The following CATSPERD variants were observed in gnomAD, a reference collection of about 807,000 sequenced individuals.
The protein encoded by CATSPERD is cation channel sperm-associated auxiliary subunit delta.
Under a neutral mutation model 98.1 loss-of-function variants are expected in CATSPERD, and 86 were observed. That is an observed-to-expected ratio of 0.88 (90% CI 0.74 to 1.05). The LOEUF is 1.05. CATSPERD is among the 50% of genes least tolerant of loss of function. CATSPERD has a pLI of 0.00. For synonymous variants in CATSPERD, 394 were observed against 390.2 expected, an observed-to-expected ratio of 1.01 and a Z score of -0.12; for missense variants, 995 against 1,005.7, an observed-to-expected ratio of 0.99 and a Z score of 0.14.
intron 15 of CATSPERD, among the ~76,000 whole-genome samples, chr19:5,761,316 G>A (rs1223505655): frequency 6.6e-6 from 1 of 152,120 alleles, no homozygotes; most frequent in Non-Finnish European, 1.5e-5. Context: ...TAGCCAGGCT[G>A]GTCTTGAACT....
chr19:5,749,032 A>G (rs1006056142), intron 10 of CATSPERD, 69 bp from the exon 11 acceptor site: 4 of 1,373,624 alleles, frequency 2.9e-6, no homozygotes, highest in Non-Finnish European at 4.1e-6. Flanking sequence ...ACCCAACCAC[A>G]CTTATGTTTT....
chr19:5,753,826 T>C (rs2056271461), intron 12 of CATSPERD: 1 of 312,804 alleles, frequency 3.2e-6, no homozygotes, highest in East Asian at 6.7e-5. Flanking sequence ...TGAGCCATGA[T>C]CAAACCACTG....
chr19:5,774,659 G>A (rs1218637216), intron 20 of CATSPERD, among the ~76,000 whole-genome samples: 2 of 151,368 alleles, frequency 1.3e-5, no homozygotes, highest in Non-Finnish European at 1.5e-5. Context: ...ACTGCACTCC[G>A]GCCTGGGCAA....
intron 17 of CATSPERD, among the ~76,000 whole-genome samples, chr19:5,766,942 CTCAGCCTCTCAAAGTGCT>C (rs746228695): frequency 6.6e-6 from 1 of 151,870 alleles, no homozygotes; most frequent in Non-Finnish European, 1.5e-5. Context: ...ATTTGCCCGC[CTCAGCCTCTCAAAGTGCT>C]GGGATTACAG....
In CATSPERD at chr19:5,731,450, G is replaced by A. The variant is rs138536170; in HGVS notation, c.276+1506G>A. ...TGCAGTGAGCTATGATTGTGCCACC[G>A]CACTCCAGCTTGAGTGGCAGCTTGA... On this transcript the variant is annotated intron_variant, in intron 4 of 21. Coordinates refer to ENST00000381624, the MANE Select transcript of CATSPERD (RefSeq NM_152784.4). Among the ~76,000 whole-genome samples, 120 of 151,576 alleles carry A rather than the reference G, an allele frequency of 7.9e-4. 1 individual carries two copies. The highest frequency in any genetic ancestry group is 2.7e-3 in the African/African-American group (110 of 41,306).
chr19:5,768,106 T>C, intron 17 of CATSPERD, 62 bp from the exon 18 acceptor site: 1 of 1,469,402 alleles, frequency 6.8e-7, no homozygotes, highest in Non-Finnish European at 9.5e-7. Flanking sequence ...TTCTGTCCCA[T>C]CCATAATGGT....
In CATSPERD at chr19:5,731,560, GTTTTTTTTTT is replaced by G. The variant is rs67541709; in HGVS notation, c.276+1633_276+1642del. ...TTTCTCCTAAAAGCGACACTTAACAGTTTTTTTTTTTTTTTTTTTTTTTTTTGAGACGGAG... is the reference window on the plus strand; with the variant it reads ...TTTCTCCTAAAAGCGACACTTAACAGTTTTTTTTTTTTTTTTGAGACGGAG... On this transcript the variant is annotated intron_variant, in intron 4 of 21. Coordinates refer to ENST00000381624, the MANE Select transcript of CATSPERD (RefSeq NM_152784.4). Among the ~76,000 whole-genome samples the G allele has an allele frequency of 2.1e-4, 16 of 75,732 alleles. No homozygotes were observed. In the East Asian group the frequency reaches 3.6e-3, roughly 17 times the overall value. The allele number at this position is 75,732 out of a possible 152,430, so 49.7% of individuals were successfully genotyped here. A position where few individuals can be genotyped will look rare whatever the true frequency, so the allele number is the denominator to read the frequency against.
chr19:5,772,848 C>G lies in CATSPERD; in HGVS notation c.1824C>G (p.Asn608Lys). 1 of 1,613,992 alleles carries G rather than the reference C, an allele frequency of 6.2e-7. No individual in the cohort carries two copies. Among genetic ancestry groups the G allele is most frequent in the Non-Finnish European group, 8.5e-7 (1 of 1,179,986 alleles). ...IDAEYVLLEV[N>K]GQFSYSYSLT... Reference sequence around the variant, plus strand: ...CCGAGTATGTGTTACTGGAGGTGAACGGGCAGTTCTCATACTCCTATTCCC... The same window carrying G: ...CCGAGTATGTGTTACTGGAGGTGAAGGGGCAGTTCTCATACTCCTATTCCC... Residue 608 changes from asparagine to lysine, a missense_variant, in exon 20 of 22, where the codon AAC becomes AAG. Asn to Lys is a moderately conservative substitution (Grantham distance 94). Coordinates refer to ENST00000381624, the MANE Select transcript of CATSPERD (RefSeq NM_152784.4).
Position 5,772,920 on chromosome 19 carries a change from C to T in CATSPERD, c.1896C>T (p.Thr632=). 6.2e-7 allele frequency: 1 copy of T among 1,614,070 alleles called. No homozygotes were observed. Among genetic ancestry groups the T allele is most frequent in the Non-Finnish European group, 8.5e-7 (1 of 1,180,000 alleles). The change falls in exon 20 of 22, where the codon ACC becomes ACT. Residue 632 remains threonine, a synonymous_variant. Coordinates refer to ENST00000381624, the MANE Select transcript of CATSPERD (RefSeq NM_152784.4). ...GTACCTCCCAGCCGCAGAACTGGAC[C>T]ACCATGATAAAGGAATTCGGGGGGC... ...AMCTSQPQNW[T]TMIKEFGGPF... is the part of the protein sequence containing the mutation.
In CATSPERD at chr19:5,748,182, G is replaced by A. The variant is rs372663902; in HGVS notation, c.831G>A (p.Arg277=). The change falls in exon 10 of 22, where the codon CGG becomes CGA. Residue 277 remains arginine (R), a synonymous_variant. Transcript: ENST00000381624. ...TAGGTCAGCTCGTCGACACCGTCCG[G>A]GTGAAAAAAGGAGACCAGACCTTGT... ...HNAGQLVDTV[R]VKKGDQTLFS... The A allele has an allele frequency of 9.9e-6, 16 of 1,613,688 alleles. No homozygotes were observed. The highest frequency in any genetic ancestry group is 8.8e-5 in the South Asian group (8 of 91,066).
At chr19:5,732,363 C>T (rs1318703284) in intron 4 of CATSPERD, among the ~76,000 whole-genome samples, 1 of 152,064 alleles carries the variant, frequency 6.6e-6, no homozygotes, top group East Asian at 1.9e-4. Flanking sequence ...CTAGCTGGCC[C>T]CAAGATACAC....
rs1384703810 is a variant in CATSPERD at position 5,728,054 on chromosome 19, A to AAAT, written c.203+711_203+712insATA. ...CAGTATCTACAAAAAAAAAAAAAAA[A>AAAT]ATACAGAAAATTAGCTGGGGGTGGG... is the stretch of plus-strand genomic sequence containing the variant. On this transcript the variant is annotated intron_variant, in intron 3 of 21. Transcript: ENST00000381624. Among the ~76,000 whole-genome samples, 7 of 149,154 alleles carry AAAT rather than the reference A, an allele frequency of 4.7e-5. No individual in the cohort carries two copies. In the South Asian group the frequency reaches 1.5e-3, roughly 32 times the overall value.
intron 16 of CATSPERD, among the ~76,000 whole-genome samples, chr19:5,763,874 G>T (rs945726977): frequency 3.8e-5 from 1 of 26,138 alleles, no homozygotes; most frequent in African/African-American, 1.0e-4. Context: ...TTGACATGGA[G>T]TCTTACTCTG....
chr19:5,745,843 C>T, intron 8 of CATSPERD, 70 bp from the exon 9 acceptor site: 1 of 1,513,846 alleles, frequency 6.6e-7, no homozygotes, highest in East Asian at 2.3e-5. Context: ...ACTCCTCTTC[C>T]CTCATTAGGA....
intron 16 of CATSPERD, among the ~76,000 whole-genome samples, chr19:5,765,818 A>G (rs1338327462): frequency 1.3e-5 from 2 of 152,010 alleles, no homozygotes; most frequent in Non-Finnish European, 2.9e-5. Flanking sequence ...GTCTCAAAAA[A>G]TAATTAATTA....
chr19:5,768,578 C>T (rs1005239446), intron 18 of CATSPERD, among the ~76,000 whole-genome samples: 30 of 151,974 alleles, frequency 2.0e-4, no homozygotes, highest in African/African-American at 4.8e-4. Context: ...TCTCGTGATC[C>T]GCCCACCTCA....
intron 2 of CATSPERD, among the ~76,000 whole-genome samples, chr19:5,726,146 CCTT>C (rs1183665514): frequency 2.6e-5 from 4 of 151,324 alleles, no homozygotes; most frequent in African/African-American, 9.7e-5. Context: ...ACTGCAACCT[CCTT>C]CTCCTGGGTT....
chr19:5,769,102 C>T (rs1021163003), intron 18 of CATSPERD, among the ~76,000 whole-genome samples: 3 of 150,776 alleles, frequency 2.0e-5, no homozygotes, highest in Non-Finnish European at 3.0e-5. Context: ...TGCAGTGAGC[C>T]AAGATTGAGC....
chr19:5,755,375 C>T (rs2056305091), intron 13 of CATSPERD, among the ~76,000 whole-genome samples: 2 of 152,088 alleles, frequency 1.3e-5, no homozygotes, highest in South Asian at 4.1e-4. Context: ...ATATATTATA[C>T]TCAAAATATT....
Sources: allele counts gnomAD v4.1 joint callset (sites outside exome capture counted in the v4.1 genomes callset), GRCh38; gene constraint gnomAD v4.1.1; transcripts MANE v1.5; gene names NCBI Gene and HGNC (gene_info 2026-07-23, HGNC 2026-07-21).